The following KCNQ2 variants were observed in gnomAD, a reference collection of about 807,000 sequenced individuals.
KCNQ2 encodes the protein potassium voltage-gated channel subfamily KQT member 2.
KCNQ2 carries 14 observed loss-of-function variants against 84.8 expected under a neutral mutation model. The ratio of observed to expected loss-of-function variants is 0.17; its 90% CI spans 0.11 to 0.26. KCNQ2 has a LOEUF of 0.26. Ranked by LOEUF, KCNQ2 falls within the 10% of genes least tolerant of loss-of-function variation. KCNQ2 has a pLI of 1.00. For missense variants in KCNQ2, 788 were observed against 1,254.0 expected (o/e 0.63, Z 5.61); for synonymous variants, 599 against 554.1 (o/e 1.08, Z -1.14).
Position 63,408,225 on chromosome 20 carries a change from G to C in KCNQ2, c.1887+188C>G, listed in dbSNP as rs1367814959. 1.1e-5 allele frequency: 8 copies of C among 725,206 alleles called. No homozygotes were observed. Among genetic ancestry groups the C allele is most frequent in the Non-Finnish European group, 1.6e-5 (7 of 446,994 alleles). 44.9% of individuals were successfully genotyped at this position (725,206 alleles called of 1,614,324 possible). ...TCAGGAGGGAAGGCACCCAGGCCGG[G>C]GGTGGGAGGCTCACGGTGGGGTGTG... On this transcript the variant is annotated intron_variant, in intron 16 of 16. Coordinates refer to ENST00000359125, the MANE Select transcript of KCNQ2 (RefSeq NM_172107.4). This position sits in a 1 kb window ranked among gnomAD's most constrained non-coding sequence, Gnocchi z 5.0.
intron 11 of KCNQ2, among the ~76,000 whole-genome samples, chr20:63,420,702 G>A (rs902996265): frequency 1.3e-5 from 2 of 152,056 alleles, no homozygotes; most frequent in Admixed American, 1.3e-4. Context: ...GCACTCAGCC[G>A]CCCGGGTAGG....
chr20:63,458,527 T>C (rs932290447), intron 1 of KCNQ2, among the ~76,000 whole-genome samples: 1 of 152,150 alleles, frequency 6.6e-6, no homozygotes, highest in Non-Finnish European at 1.5e-5. Flanking sequence ...GGTCACTTTC[T>C]CTGAAAGGCT....
Position 63,424,104 on chromosome 20 carries a change from C to T in KCNQ2, c.1247+73G>A, listed in dbSNP as rs368084351. The T allele has an allele frequency of 2.7e-5, 40 of 1,490,418 alleles. 1 individual carries two copies. Among genetic ancestry groups the T allele is most frequent in the African/African-American group, 1.7e-4 (12 of 71,780 alleles). The allele number at this position is 1,490,418 out of a possible 1,614,324, so 92.3% of individuals were successfully genotyped here. On this transcript the variant is annotated intron_variant, in intron 11 of 16. Transcript: ENST00000359125. ...GCCCTCACATCTCCATGACAGGTTGCGCACACGTGTGGGAGAGAGACCAGA... is the reference window on the plus strand; with the variant it reads ...GCCCTCACATCTCCATGACAGGTTGTGCACACGTGTGGGAGAGAGACCAGA...
intron 1 of KCNQ2, among the ~76,000 whole-genome samples, chr20:63,452,475 C>T (rs925589137): frequency 8.5e-5 from 13 of 152,218 alleles, no homozygotes; most frequent in African/African-American, 2.9e-4. Context: ...ACTTGAAGTC[C>T]GCTGAGCTAA....
chr20:63,446,418 G>A lies in KCNQ2; in HGVS notation c.387+329C>T, dbSNP rs537549008. ...CCCACGTCTGCCGTCTGCTGGGGAC[G>A]CCCCACATCTCCGGCTCCAGAGATA... On this transcript the variant is annotated intron_variant, in intron 2 of 16. Coordinates refer to ENST00000359125, the MANE Select transcript of KCNQ2 (RefSeq NM_172107.4). The surrounding 1 kb of genome is among the most constrained non-coding windows in gnomAD (Gnocchi z 5.5). Among the ~76,000 whole-genome samples the A allele has an allele frequency of 3.9e-5, 6 of 152,288 alleles. No homozygotes were observed. The highest frequency in any genetic ancestry group is 1.4e-4 in the African/African-American group (6 of 41,558).
intron 1 of KCNQ2, among the ~76,000 whole-genome samples, chr20:63,457,993 C>T (rs2081848689): frequency 6.6e-6 from 1 of 152,170 alleles, no homozygotes; most frequent in African/African-American, 2.4e-5. Flanking sequence ...ACCTGTCCCA[C>T]CCAGACCACA....
rs914476 is a variant in KCNQ2, at chr20:63,438,948, C to A, written c.928-228G>T. Among the ~76,000 whole-genome samples, 2 of 152,000 alleles carry A rather than the reference C, an allele frequency of 1.3e-5. No homozygotes were observed. Among genetic ancestry groups the A allele is most frequent in the African/African-American group, 2.4e-5 (1 of 41,406 alleles). On this transcript the variant is annotated intron_variant, in intron 6 of 16. Coordinates refer to ENST00000359125, the MANE Select transcript of KCNQ2 (RefSeq NM_172107.4). This position sits in a 1 kb window ranked among gnomAD's most constrained non-coding sequence, Gnocchi z 5.1. ...CGTCTCCACCGATCCATGCCTCCCCCACCTTCATCAAGGTCAGACTAATCC... is the reference window on the plus strand; with the variant it reads ...CGTCTCCACCGATCCATGCCTCCCCAACCTTCATCAAGGTCAGACTAATCC...
intron 11 of KCNQ2, chr20:63,423,945 A>T: frequency 4.0e-6 from 2 of 500,708 alleles, no homozygotes; most frequent in Non-Finnish European, 7.4e-6. Flanking sequence ...AGCTGCCCGG[A>T]TCCACAGTGC....
In KCNQ2 at chr20:63,439,801, G is replaced by T. The variant is rs1425033999; in HGVS notation, c.817-93C>A. On this transcript the variant is annotated intron_variant, in intron 5 of 16. Transcript: ENST00000359125. ...GCTGGCGACTCGGGGCTTGGGATGG[G>T]ACAGATGCGGGGCCACCCCCGTGTC... The T allele has an allele frequency of 5.7e-5, 53 of 930,380 alleles. No homozygotes were observed. The Admixed American group carries it at 8.9e-4, about 16-fold the overall frequency. 57.6% of individuals were successfully genotyped at this position (930,380 alleles called of 1,614,324 possible).
chr20:63,432,277 TCC>T (rs548726008), intron 8 of KCNQ2, among the ~76,000 whole-genome samples: 1 of 70,330 alleles, frequency 1.4e-5, no homozygotes, highest in African/African-American at 8.1e-5. Context: ...CTCTGGGAAG[TCC>T]CCACCCTCAG....
intron 8 of KCNQ2, chr20:63,433,370 C>G (rs1253018254): frequency 1.5e-5 from 4 of 270,622 alleles, no homozygotes; most frequent in African/African-American, 9.0e-5. Flanking sequence ...TACTTTCCTG[C>G]CCCCCACGCC....
intron 8 of KCNQ2, among the ~76,000 whole-genome samples, chr20:63,432,241 G>GCCCC (rs2080829929): frequency 7.7e-6 from 1 of 129,698 alleles, no homozygotes; most frequent in Admixed American, 8.6e-5. Context: ...CACAGGGAAG[G>GCCCC]ATCCACCCAC....
intron 4 of KCNQ2, among the ~76,000 whole-genome samples, chr20:63,443,420 A>G (rs2081312931): frequency 1.4e-5 from 1 of 72,670 alleles, no homozygotes; most frequent in Admixed American, 1.6e-4. Flanking sequence ...CACCATCACC[A>G]CCATCATCAC....
chr20:63,429,727 G>A (rs542282496), intron 9 of KCNQ2, among the ~76,000 whole-genome samples: 96 of 152,158 alleles, frequency 6.3e-4, no homozygotes, highest in Non-Finnish European at 1.1e-3. Flanking sequence ...CCCTACTGCC[G>A]ACTCCCACTT....
chr20:63,457,663 G>A (rs1197932565), intron 1 of KCNQ2, among the ~76,000 whole-genome samples: 2 of 152,186 alleles, frequency 1.3e-5, no homozygotes, highest in Admixed American at 1.3e-4. Context: ...CGGGGGTCCT[G>A]CCCACCTGCA....
At chr20:63,442,983 C>T (rs796769705) in intron 4 of KCNQ2, among the ~76,000 whole-genome samples, 2 of 12,986 alleles carry the variant, frequency 1.5e-4, no homozygotes, top group Admixed American at 7.8e-4. Context: ...ACCATCACCA[C>T]CATTACCATC....
intron 10 of KCNQ2, among the ~76,000 whole-genome samples, chr20:63,427,540 C>A (rs1319980171): frequency 6.6e-6 from 1 of 152,236 alleles, no homozygotes; most frequent in East Asian, 1.9e-4. Flanking sequence ...AAGGTGCGGG[C>A]GGGGCCTGCT....
At position 63,400,397 on chromosome 20, in the gene KCNQ2, G is replaced by C. The variant is rs909268615; in HGVS notation, c.*6247C>G. On this transcript the variant is annotated 3_prime_UTR_variant, in exon 17 of 17. Transcript: ENST00000359125. This position sits in a 1 kb window ranked among gnomAD's most constrained non-coding sequence, Gnocchi z 8.7. Reference sequence around the variant, plus strand: ...GGCATCAACCTGTCCGTGTGAGTAAGTTAATATCTCAGCTAATCTGTTAGA... The same window carrying C: ...GGCATCAACCTGTCCGTGTGAGTAACTTAATATCTCAGCTAATCTGTTAGA... 5.1e-6 allele frequency: 2 copies of C among 390,430 alleles called. No homozygotes were observed. Among genetic ancestry groups the C allele is most frequent in the South Asian group, 2.9e-4 (2 of 6,942 alleles). The allele number at this position is 390,430 out of a possible 1,614,324, so 24.2% of individuals were successfully genotyped here. A position where few individuals can be genotyped will look rare whatever the true frequency, so the allele number is the denominator to read the frequency against.
rs530274652 is a variant in KCNQ2 at position 63,413,061 on chromosome 20, A to G, written c.1763+389T>C. On this transcript the variant is annotated intron_variant, in intron 15 of 16. Coordinates refer to ENST00000359125, the MANE Select transcript of KCNQ2 (RefSeq NM_172107.4). ...CCCCAACACACATGCACACATGTGT[A>G]CACACATGTATGCACCCCACACACG... is the stretch of plus-strand genomic sequence containing the variant. Among the ~76,000 whole-genome samples, 86 of 152,254 alleles carry G rather than the reference A, an allele frequency of 5.6e-4. 1 individual carries two copies. The highest frequency in any genetic ancestry group is 2.0e-3 in the African/African-American group (82 of 41,552).
Sources: allele counts gnomAD v4.1 joint callset (sites outside exome capture counted in the v4.1 genomes callset), GRCh38; gene constraint gnomAD v4.1.1; non-coding constraint Gnocchi (gnomAD v3.1); transcripts MANE v1.5; gene names NCBI Gene and HGNC (gene_info 2026-07-23, HGNC 2026-07-21).